DLG2: variants seen among roughly 807,000 people sequenced by gnomAD.
DLG2 encodes the protein discs large MAGUK scaffold protein 2, also known as disks large homolog 2.
In DLG2, 45 loss-of-function variants were observed where a neutral mutation model predicts 132.5. That is an observed-to-expected ratio of 0.34 (90% confidence interval 0.27 to 0.44). DLG2 has a LOEUF of 0.44. Ranked by LOEUF, DLG2 falls within the 20% of genes least tolerant of loss-of-function variation. DLG2 has a pLI of 1.00. For missense variants in DLG2, 1,045 were observed against 1,196.9 expected (o/e 0.87, Z 1.87); for synonymous variants, 424 against 419.6 (o/e 1.01, Z -0.13).
intron 12 of DLG2, among the ~76,000 whole-genome samples, chr11:83,975,856 T>C (rs1008113417): frequency 6.6e-6 from 1 of 151,908 alleles, no homozygotes; most frequent in Non-Finnish European, 1.5e-5. Flanking sequence ...CAGGAAAATA[T>C]ATTTTAACAG....
At chr11:85,464,009 C>CACACACACACACAT (rs1555141445) in intron 3 of DLG2, among the ~76,000 whole-genome samples, 50 of 150,632 alleles carry the variant, frequency 3.3e-4, no homozygotes, top group African/African-American at 1.0e-3. Flanking sequence ...CACACATACA[C>CACACACACACACAT]ACACACACAC....
Position 84,335,451 on chromosome 11 carries a change from T to C in DLG2, c.520-84160A>G, listed in dbSNP as rs114925895. Among the ~76,000 whole-genome samples, 488 of 152,322 alleles carry C rather than the reference T, an allele frequency of 3.2e-3. 3 individuals carry two copies. Among genetic ancestry groups the C allele is most frequent in the African/African-American group, 0.011 (459 of 41,572 alleles). On this transcript the variant is annotated intron_variant, in intron 7 of 27. Coordinates refer to ENST00000376104, the MANE Select transcript of DLG2 (RefSeq NM_001142699.3). ...CCCCAAGTGGGAACTGCTACAATAT[T>C]TGAGCAAGTAGGTTGACAATACTGA...
chr11:85,623,384 A>AACCTCC (rs2081860157), intron 2 of DLG2, among the ~76,000 whole-genome samples: 1 of 151,984 alleles, frequency 6.6e-6, no homozygotes. Flanking sequence ...ACCTCACTGC[A>AACCTCC]ACCTCCACCT....
chr11:83,907,962 C>T (rs1165384205), intron 15 of DLG2, among the ~76,000 whole-genome samples: 2 of 152,156 alleles, frequency 1.3e-5, no homozygotes, highest in Non-Finnish European at 2.9e-5. Context: ...CTCAGCTTCC[C>T]AAGTAGCTTG....
intron 7 of DLG2, among the ~76,000 whole-genome samples, chr11:84,406,577 G>T (rs1359725029): frequency 6.6e-6 from 1 of 152,140 alleles, no homozygotes; most frequent in South Asian, 2.1e-4. Context: ...TGGGCTAAAG[G>T]AATCCACTCA....
At chr11:83,901,619 C>G (rs2073456054) in intron 15 of DLG2, among the ~76,000 whole-genome samples, 1 of 152,216 alleles carries the variant, frequency 6.6e-6, no homozygotes, top group African/African-American at 2.4e-5. Context: ...CCATGTGGAA[C>G]TGTAAGTCCA....
intron 21 of DLG2, among the ~76,000 whole-genome samples, chr11:83,514,720 T>G (rs2095221019): frequency 6.6e-6 from 1 of 152,202 alleles, no homozygotes; most frequent in Non-Finnish European, 1.5e-5. Flanking sequence ...ACCTAATTTA[T>G]TGAGAGTTTT....
chr11:84,919,210 G>C (rs1021994808), intron 6 of DLG2, among the ~76,000 whole-genome samples: 1 of 152,038 alleles, frequency 6.6e-6, no homozygotes, highest in East Asian at 1.9e-4. Flanking sequence ...TATTACTATA[G>C]TCTAAGAACT....
At chr11:83,549,305 A>G (rs1272589940) in intron 19 of DLG2, among the ~76,000 whole-genome samples, 1 of 152,182 alleles carries the variant, frequency 6.6e-6, no homozygotes, top group African/African-American at 2.4e-5. Flanking sequence ...TGGAATGAAG[A>G]AACACACGGT....
intron 7 of DLG2, among the ~76,000 whole-genome samples, chr11:84,325,318 C>T (rs1311295586): frequency 2.0e-5 from 3 of 151,992 alleles, no homozygotes; most frequent in Admixed American, 6.6e-5. Context: ...CCCATCAACT[C>T]GTCATTTACA....
At chr11:84,998,204 ATCTCACC>A (rs1228954830) in intron 6 of DLG2, among the ~76,000 whole-genome samples, 1 of 152,054 alleles carries the variant, frequency 6.6e-6, no homozygotes, top group Non-Finnish European at 1.5e-5. Context: ...CCTCACCCAA[ATCTCACC>A]TTGAATTGTA....
chr11:85,579,415 A>G (rs2078369282), intron 3 of DLG2, among the ~76,000 whole-genome samples: 1 of 152,094 alleles, frequency 6.6e-6, no homozygotes, highest in African/African-American at 2.4e-5. Context: ...AAAGAGAGAG[A>G]CCTGAGGACT....
intron 8 of DLG2, among the ~76,000 whole-genome samples, chr11:84,181,009 T>C (rs1197614459): frequency 6.6e-6 from 1 of 151,442 alleles, no homozygotes; most frequent in East Asian, 1.9e-4. Flanking sequence ...TATATGAAAA[T>C]AAAACAAAAT....
intron 7 of DLG2, among the ~76,000 whole-genome samples, chr11:84,406,153 CCTAG>C (rs2098848189): frequency 6.6e-6 from 1 of 152,142 alleles, no homozygotes; most frequent in African/African-American, 2.4e-5. Flanking sequence ...CCCCTACTGC[CCTAG>C]CTGTCACCAC....
At chr11:85,126,488 T>C (rs1400792609) in intron 5 of DLG2, among the ~76,000 whole-genome samples, 1 of 152,188 alleles carries the variant, frequency 6.6e-6, no homozygotes, top group African/African-American at 2.4e-5. Flanking sequence ...AAATGGTTAA[T>C]CCCAGGTTAT....
At chr11:84,411,665 T>C (rs895737822) in intron 7 of DLG2, among the ~76,000 whole-genome samples, 4 of 152,104 alleles carry the variant, frequency 2.6e-5, no homozygotes, top group African/African-American at 9.7e-5. Flanking sequence ...ATGAAACACA[T>C]TTTCATTTTG....
At chr11:84,667,890 G>C (rs537666679) in intron 6 of DLG2, among the ~76,000 whole-genome samples, 1 of 152,126 alleles carries the variant, frequency 6.6e-6, no homozygotes, top group East Asian at 1.9e-4. Flanking sequence ...ACAGAGCACA[G>C]ACTAAAAAAT....
At chr11:85,322,398 C>T (rs1050868219) in intron 3 of DLG2, among the ~76,000 whole-genome samples, 2 of 152,096 alleles carry the variant, frequency 1.3e-5, no homozygotes, top group Admixed American at 6.5e-5. Context: ...ATTTGCCTAA[C>T]CTATACTAGC....
intron 6 of DLG2, among the ~76,000 whole-genome samples, chr11:84,873,444 A>G (rs950174464): frequency 1.3e-5 from 2 of 152,206 alleles, no homozygotes; most frequent in African/African-American, 2.4e-5. Flanking sequence ...AATGTAGATA[A>G]TAAGTTTGTG....
Sources: allele counts gnomAD v4.1 joint callset (sites outside exome capture counted in the v4.1 genomes callset), GRCh38; gene constraint gnomAD v4.1.1; transcripts MANE v1.5; gene names NCBI Gene and HGNC (gene_info 2026-07-23, HGNC 2026-07-21).